The following CFAP20DC variants were observed in gnomAD, a reference collection of about 807,000 sequenced individuals.
CFAP20DC encodes the protein CFAP20 domain containing, also known as protein CFAP20DC.
A neutral mutation model predicts 101.7 loss-of-function variants in CFAP20DC; 84 were observed. The ratio of observed to expected loss-of-function variants is 0.83; its 90% CI spans 0.69 to 0.99. The LOEUF (loss-of-function observed/expected upper bound fraction) is 0.99. CFAP20DC is among the 50% of genes least tolerant of loss of function. The pLI, the probability that CFAP20DC is intolerant of heterozygous loss-of-function variation, is 0.00. For synonymous variants in CFAP20DC, 359 were observed against 351.2 expected (o/e 1.02, Z -0.25); for missense variants, 1,007 against 970.3 (o/e 1.04, Z -0.50).
At chr3:58,817,619 T>C (rs1575745460) in intron 14 of CFAP20DC, among the ~76,000 whole-genome samples, 3 of 141,720 alleles carry the variant, frequency 2.1e-5, no homozygotes, top group Non-Finnish European at 4.6e-5. Context: ...GAGCAAAGCC[T>C]CCAAGAAATA....
At chr3:58,940,472 G>GT in intron 4 of CFAP20DC, among the ~76,000 whole-genome samples, 1 of 152,298 alleles carries the variant, frequency 6.6e-6, no homozygotes, top group East Asian at 1.9e-4. Context: ...CATAGGGGTT[G>GT]GAGTTCTTTT....
intron 6 of CFAP20DC, among the ~76,000 whole-genome samples, chr3:58,888,103 A>G (rs906218709): frequency 1.3e-5 from 2 of 152,224 alleles, no homozygotes; most frequent in Non-Finnish European, 2.9e-5. Flanking sequence ...TCCAATTACT[A>G]AGTCATTGTA....
chr3:59,047,190 A>G lies in CFAP20DC; in HGVS notation c.86T>C (p.Leu29Pro). Residue 29 changes from leucine (L) to proline (P), a missense_variant, in exon 2 of 17, where the codon CTT becomes CCT. Transcript: ENST00000482387. ...TTTCCAAATCACAGATGGACTACCA[A>G]GGATCTTCCATTTTGCTCCAGGATT... ...GKNPGAKWKILGSPSVIWKEF... is the reference protein window; with the variant it reads ...GKNPGAKWKIPGSPSVIWKEF... 1 of 1,535,066 alleles carries G rather than the reference A, an allele frequency of 6.5e-7. No homozygotes were observed. The highest frequency in any genetic ancestry group is 8.7e-7 in the Non-Finnish European group (1 of 1,146,008).
intron 14 of CFAP20DC, among the ~76,000 whole-genome samples, chr3:58,814,045 C>T (rs1192029822): frequency 2.0e-5 from 3 of 151,876 alleles, no homozygotes; most frequent in Non-Finnish European, 4.4e-5. Flanking sequence ...CTCCCAATAA[C>T]AAATTCATTG....
At chr3:58,948,137 G>A (rs1424642234) in intron 4 of CFAP20DC, among the ~76,000 whole-genome samples, 1 of 152,154 alleles carries the variant, frequency 6.6e-6, no homozygotes, top group Non-Finnish European at 1.5e-5. Flanking sequence ...AGCAGAGGTG[G>A]GTCCAGAGGA....
At chr3:58,727,020 T>C in intron 3 of CFAP20DC, 3 of 256,660 alleles carry the variant, frequency 1.2e-5, no homozygotes, top group South Asian at 1.0e-4. Context: ...TCACTTCCAC[T>C]CACACCATCA....
intron 4 of CFAP20DC, among the ~76,000 whole-genome samples, chr3:58,961,814 A>T (rs2091164237): frequency 6.6e-6 from 1 of 152,136 alleles, no homozygotes; most frequent in Admixed American, 6.5e-5. Context: ...GAGTTGGCAT[A>T]AAGTTGTTCA....
chr3:58,975,152 G>A (rs1278725674), intron 4 of CFAP20DC, among the ~76,000 whole-genome samples: 1 of 152,014 alleles, frequency 6.6e-6, no homozygotes, highest in Non-Finnish European at 1.5e-5. Flanking sequence ...TTTTCAGCGG[G>A]TACACTATGC....
chr3:59,033,699 G>A (rs1165378357), intron 4 of CFAP20DC, among the ~76,000 whole-genome samples: 1 of 152,192 alleles, frequency 6.6e-6, no homozygotes, highest in Non-Finnish European at 1.5e-5. Flanking sequence ...ATGAGACTAT[G>A]TGAAAATACC....
rs149713922 is a variant in CFAP20DC at position 58,954,708 on chromosome 3, A to G, written c.279-16946T>C. Among the ~76,000 whole-genome samples, 410 of 152,264 alleles carry G rather than the reference A, an allele frequency of 2.7e-3. 1 individual carries two copies. The highest frequency in any genetic ancestry group is 9.3e-3 in the African/African-American group (386 of 41,542). On this transcript the variant is annotated intron_variant, in intron 4 of 16. Coordinates refer to ENST00000482387, the MANE Select transcript of CFAP20DC (RefSeq NM_001394063.1). ...TTCTGCTGAAGTTTAAATTCACTGA[A>G]GATTCTTCTGTCTTTAAAAGAGAAG...
intron 13 of CFAP20DC, among the ~76,000 whole-genome samples, chr3:58,839,491 G>A (rs1347117703): frequency 6.6e-6 from 1 of 152,162 alleles, no homozygotes; most frequent in Non-Finnish European, 1.5e-5. Flanking sequence ...TCTGAGTCAA[G>A]GATTTCAGAT....
At chr3:58,872,826 T>C (rs2080348259) in intron 7 of CFAP20DC, among the ~76,000 whole-genome samples, 1 of 151,996 alleles carries the variant, frequency 6.6e-6, no homozygotes, top group Non-Finnish European at 1.5e-5. Context: ...TGGAGAGCTA[T>C]GCTGGATGCT....
intron 15 of CFAP20DC, among the ~76,000 whole-genome samples, chr3:58,798,626 AG>A (rs1198611577): frequency 3.3e-5 from 5 of 152,226 alleles, no homozygotes; most frequent in African/African-American, 1.2e-4. Context: ...TTTTGAAAGA[AG>A]TTCTACTGTG....
At chr3:58,985,503 A>C (rs1364522194) in intron 4 of CFAP20DC, among the ~76,000 whole-genome samples, 2 of 152,196 alleles carry the variant, frequency 1.3e-5, no homozygotes, top group Non-Finnish European at 2.9e-5. Flanking sequence ...CCTTGCCTAC[A>C]GAATAAAATT....
Position 58,861,435 on chromosome 3 carries a change from T to C in CFAP20DC, c.1593+2123A>G, listed in dbSNP as rs1036102208. ...TAAACTGATTTTTCTTCAAAGACTA[T>C]ATGTAAATAAACATTGTAAATATGT... On this transcript the variant is annotated intron_variant, in intron 12 of 16. Transcript: ENST00000482387. The surrounding 1 kb of genome is among the most constrained non-coding windows in gnomAD (Gnocchi z 4.0). The C allele has an allele frequency of 2.3e-6, 2 of 864,462 alleles. No individual in the cohort carries two copies. Among genetic ancestry groups the C allele is most frequent in the African/African-American group, 1.8e-5 (1 of 54,730 alleles). The allele number at this position is 864,462 out of a possible 1,614,324, so 53.5% of individuals were successfully genotyped here.
Position 59,007,667 on chromosome 3 carries a change from C to G in CFAP20DC, c.278+31890G>C, listed in dbSNP as rs372189001. On this transcript the variant is annotated intron_variant, in intron 4 of 16. Transcript: ENST00000482387. This position sits in a 1 kb window ranked among gnomAD's most constrained non-coding sequence, Gnocchi z 4.4. ...GGTGCTGGTATCATGGCTGGGAGAC[C>G]TGACGACAGATCACATCACAGGACT... 2.5e-4 allele frequency among the ~76,000 whole-genome samples: 38 copies of G among 152,332 alleles called. No individual in the cohort carries two copies. The Middle Eastern group carries it at 0.01, about 41-fold the overall frequency.
intron 15 of CFAP20DC, among the ~76,000 whole-genome samples, chr3:58,757,954 T>G (rs150946465): frequency 1.3e-5 from 2 of 152,256 alleles, no homozygotes; most frequent in Non-Finnish European, 2.9e-5. Flanking sequence ...CTAAACAAAA[T>G]CAACCAGGAC....
At chr3:58,824,425 C>T (rs1212348241) in intron 14 of CFAP20DC, 1 of 152,050 alleles carries the variant, frequency 6.6e-6, no homozygotes, top group Non-Finnish European at 1.5e-5. Context: ...GTGCTAGTGC[C>T]AGGAAAACAG....
chr3:58,807,671 C>T (rs1185631303), intron 14 of CFAP20DC, among the ~76,000 whole-genome samples: 3 of 152,210 alleles, frequency 2.0e-5, no homozygotes, highest in Admixed American at 6.5e-5. Flanking sequence ...TCTCCTCATC[C>T]AAAGGAACGC....
Sources: allele counts gnomAD v4.1 joint callset (sites outside exome capture counted in the v4.1 genomes callset), GRCh38; gene constraint gnomAD v4.1.1; non-coding constraint Gnocchi (gnomAD v3.1); transcripts MANE v1.5; gene names NCBI Gene and HGNC (gene_info 2026-07-23, HGNC 2026-07-21).